The following SIPA1L2 variants were observed in gnomAD, a reference collection of about 807,000 sequenced individuals.
SIPA1L2 encodes signal induced proliferation associated 1 like 2.
In SIPA1L2, 56 loss-of-function variants were observed where a neutral mutation model predicts 163.9. That is an observed-to-expected ratio of 0.34 (90% CI 0.28 to 0.43). The LOEUF is 0.43. Among genes scored for constraint, SIPA1L2 ranks in the 20% least tolerant of loss-of-function variants. The pLI is 1.00. For missense variants in SIPA1L2, 1,974 were observed against 2,193.5 expected (o/e 0.90, Z 2.00); for synonymous variants, 877 against 865.7 (o/e 1.01, Z -0.23).
upstream of SIPA1L2, among the ~76,000 whole-genome samples, chr1:232,630,143 G>T (rs1432027875): frequency 1.3e-5 from 2 of 151,302 alleles, no homozygotes; most frequent in Non-Finnish European, 1.5e-5. Flanking sequence ...TGCCGCGCCG[G>T]CTCCCGATGC....
intron 3 of SIPA1L2, among the ~76,000 whole-genome samples, chr1:232,501,050 A>AATTTTTTTT (rs1666445999): frequency 1.3e-5 from 1 of 78,450 alleles, no homozygotes; most frequent in African/African-American, 4.8e-5. Context: ...GCAATGAAGT[A>AATTTTTTTT]TTTTTTTTTT....
intron 1 of SIPA1L2, among the ~76,000 whole-genome samples, chr1:232,592,763 G>A (rs1661029995): frequency 6.7e-6 from 1 of 150,280 alleles, no homozygotes; most frequent in South Asian, 2.1e-4. Flanking sequence ...ATTAAAATGA[G>A]CACTAATATT....
At chr1:232,559,219 G>GT (rs1658897571) in intron 2 of SIPA1L2, among the ~76,000 whole-genome samples, 1 of 152,198 alleles carries the variant, frequency 6.6e-6, no homozygotes, top group African/African-American at 2.4e-5. Context: ...GCCAGACTGA[G>GT]TAAATATTTT....
chr1:232,534,010 A>C (rs1657147887), intron 2 of SIPA1L2, among the ~76,000 whole-genome samples: 1 of 152,184 alleles, frequency 6.6e-6, no homozygotes, highest in Admixed American at 6.5e-5. Flanking sequence ...AATCCCAATA[A>C]GGTTTTGTTG....
At chr1:232,485,242 C>A (rs1036844009) in intron 5 of SIPA1L2, among the ~76,000 whole-genome samples, 1 of 152,148 alleles carries the variant, frequency 6.6e-6, no homozygotes, top group Non-Finnish European at 1.5e-5. Flanking sequence ...CTACCTATAC[C>A]GATGGATGCT....
intron 1 of SIPA1L2, among the ~76,000 whole-genome samples, chr1:232,613,183 G>A (rs566363069): frequency 2.6e-5 from 4 of 152,182 alleles, no homozygotes; most frequent in South Asian, 4.2e-4. Context: ...TGCCAGTCTC[G>A]GGTATGTCTT....
rs1664436699 is a variant in SIPA1L2 at position 232,465,055 on chromosome 1, C to T, written c.2605G>A (p.Asp869Asn). The T allele has an allele frequency of 1.2e-6, 2 of 1,614,060 alleles. No homozygotes were observed. Among genetic ancestry groups the T allele is most frequent in the Non-Finnish European group, 1.7e-6 (2 of 1,180,038 alleles). The part of the protein sequence containing the change: ...VIARDFGQSA[D>N]IECLLGISNE... The stretch of plus-strand genomic sequence containing the variant: ...GAGATCCCGAGAAGACATTCAATGT[C>T]AGCAGACTGGCCGAAGTCCCGGGCT... Residue 869 changes from aspartate to asparagine, a missense_variant, in exon 9 of 23, where the codon GAC becomes AAC. Transcript: ENST00000674635. This position sits in a 1 kb window ranked among gnomAD's most constrained non-coding sequence, Gnocchi z 4.1.
intron 15 of SIPA1L2, 79 bp from the exon 16 acceptor site, chr1:232,432,550 AG>A: frequency 7.6e-7 from 1 of 1,314,080 alleles, no homozygotes. Context: ...CAGAGCCACA[AG>A]GCTTTACTCA....
intron 7 of SIPA1L2, among the ~76,000 whole-genome samples, chr1:232,477,462 T>TC (rs1413978766): frequency 6.6e-6 from 1 of 152,224 alleles, no homozygotes; most frequent in African/African-American, 2.4e-5. Flanking sequence ...TTTGTTGACT[T>TC]CTTACCATGT....
At chr1:232,554,703 C>T (rs1658599980) in intron 2 of SIPA1L2, among the ~76,000 whole-genome samples, 1 of 152,214 alleles carries the variant, frequency 6.6e-6, no homozygotes, top group Non-Finnish European at 1.5e-5. Flanking sequence ...TCTGCATCAG[C>T]CGTGTTTGGT....
chr1:232,624,187 TG>T (rs939680340), intron 1 of SIPA1L2, among the ~76,000 whole-genome samples: 6 of 152,162 alleles, frequency 3.9e-5, no homozygotes, highest in Non-Finnish European at 8.8e-5. Flanking sequence ...GGATGCACGT[TG>T]AAAAAAGTTT....
At chr1:232,526,372 G>C (rs919756879) in intron 2 of SIPA1L2, among the ~76,000 whole-genome samples, 1 of 144,616 alleles carries the variant, frequency 6.9e-6, no homozygotes. Context: ...AACCGTTTTC[G>C]TGGAAGACAA....
intron 3 of SIPA1L2, among the ~76,000 whole-genome samples, chr1:232,501,115 TG>T (rs1370740484): frequency 7.5e-6 from 1 of 132,932 alleles, no homozygotes; most frequent in Admixed American, 9.1e-5. Flanking sequence ...TGGAGTGCAG[TG>T]GCGCAATCTT....
At chr1:232,424,478 G>C in intron 18 of SIPA1L2, among the ~76,000 whole-genome samples, 1 of 151,984 alleles carries the variant, frequency 6.6e-6, no homozygotes, top group Non-Finnish European at 1.5e-5. Flanking sequence ...CAGGAAAATA[G>C]AGGTTCATTG....
intron 1 of SIPA1L2, among the ~76,000 whole-genome samples, chr1:232,622,720 C>T (rs1215868615): frequency 1.3e-5 from 2 of 152,202 alleles, no homozygotes; most frequent in Admixed American, 1.3e-4. Context: ...GAAACTTCCA[C>T]ATTTTTACCA....
chr1:232,547,443 C>A (rs771256930), intron 2 of SIPA1L2, among the ~76,000 whole-genome samples: 1 of 151,722 alleles, frequency 6.6e-6, no homozygotes, highest in South Asian at 2.1e-4. Context: ...TCACAGGTTT[C>A]ATTCTATTCA....
At chr1:232,528,698 G>T (rs192072186) in intron 2 of SIPA1L2, among the ~76,000 whole-genome samples, 17 of 152,208 alleles carry the variant, frequency 1.1e-4, no homozygotes, top group African/African-American at 4.1e-4. Flanking sequence ...ATCAAGTGTG[G>T]CACTTTCTTC....
chr1:232,517,810 G>A (rs922137968), intron 2 of SIPA1L2, among the ~76,000 whole-genome samples: 4 of 152,218 alleles, frequency 2.6e-5, no homozygotes, highest in African/African-American at 9.6e-5. Context: ...AGAAGCTGAG[G>A]CAGGAGGATC....
intron 20 of SIPA1L2, among the ~76,000 whole-genome samples, chr1:232,403,791 C>A (rs1228201283): frequency 6.6e-6 from 1 of 152,184 alleles, no homozygotes; most frequent in Non-Finnish European, 1.5e-5. Flanking sequence ...ATGGCCTATG[C>A]ACATCACAGC....
Sources: gnomAD v4.1 joint callset for allele counts (sites outside exome capture counted in the v4.1 genomes callset) on GRCh38, gnomAD v4.1.1 for gene constraint, Gnocchi (gnomAD v3.1) non-coding constraint, MANE v1.5 for transcripts, NCBI Gene and HGNC (gene_info 2026-07-23, HGNC 2026-07-21) for gene names.